EXOC4: variants seen among roughly 807,000 people sequenced by gnomAD.
The protein encoded by EXOC4 is exocyst complex component 4.
Under a neutral mutation model 107.2 loss-of-function variants are expected in EXOC4, and 71 were observed. That is an observed-to-expected ratio of 0.66 (90% CI 0.55 to 0.81). EXOC4 has a LOEUF of 0.81. Ranked by LOEUF, EXOC4 falls within the 30% of genes least tolerant of loss-of-function variation. The probability of loss-of-function intolerance (pLI) is 0.00; values close to 1 mark genes in which losing one functional copy is unlikely to be tolerated. For missense variants in EXOC4, 1,108 were observed against 1,189.6 expected, an observed-to-expected ratio of 0.93 and a Z score of 1.01; for synonymous variants, 456 against 441.2, an observed-to-expected ratio of 1.03 and a Z score of -0.42.
At chr7:133,320,384 A>G (rs1795084994) in intron 5 of EXOC4, among the ~76,000 whole-genome samples, 1 of 152,142 alleles carries the variant, frequency 6.6e-6, no homozygotes, top group Non-Finnish European at 1.5e-5. Context: ...TCCTTGGTTC[A>G]TTCATGGTTT....
chr7:134,029,154 T>G (rs1243122757), intron 17 of EXOC4, among the ~76,000 whole-genome samples: 1 of 152,202 alleles, frequency 6.6e-6, no homozygotes, highest in Non-Finnish European at 1.5e-5. Flanking sequence ...ATCCAAAACA[T>G]TCTAATGTCT....
chr7:133,725,036 G>A (rs574770690), intron 10 of EXOC4, among the ~76,000 whole-genome samples: 35 of 152,296 alleles, frequency 2.3e-4, no homozygotes, highest in African/African-American at 8.2e-4. Context: ...GTTTTAAAGC[G>A]GTCCTGAACA....
Position 133,615,735 on chromosome 7 carries a change from A to T in EXOC4, c.1418-14310A>T, listed in dbSNP as rs570976248. ...AAGTTGCTTTGTCTAGTATTATCAG[A>T]GCCTTTTCGTTGGTAACCTCTACCT... On this transcript the variant is annotated intron_variant, in intron 9 of 17. Transcript: ENST00000253861. Among the ~76,000 whole-genome samples, 12 of 152,288 alleles carry T rather than the reference A, an allele frequency of 7.9e-5. No individual in the cohort carries two copies. The East Asian group carries it at 2.3e-3, about 29-fold the overall frequency.
chr7:133,558,730 C>T (rs1584997649), intron 9 of EXOC4, among the ~76,000 whole-genome samples: 1 of 151,926 alleles, frequency 6.6e-6, no homozygotes, highest in Admixed American at 6.6e-5. Flanking sequence ...AACTGTTTTC[C>T]ATGGAGTCCC....
At chr7:133,771,125 ATATAGACT>A (rs1208644702) in intron 10 of EXOC4, among the ~76,000 whole-genome samples, 1 of 151,948 alleles carries the variant, frequency 6.6e-6, no homozygotes, top group East Asian at 1.9e-4. Context: ...ACAGCCAAAG[ATATAGACT>A]TATAGAGAAT....
intron 9 of EXOC4, among the ~76,000 whole-genome samples, chr7:133,491,309 T>C (rs1799367433): frequency 6.6e-6 from 1 of 152,224 alleles, no homozygotes; most frequent in South Asian, 2.1e-4. Context: ...TCATGCCCAC[T>C]TAGCTCAAAT....
At chr7:133,642,207 A>C (rs1433438559) in intron 10 of EXOC4, among the ~76,000 whole-genome samples, 1 of 152,080 alleles carries the variant, frequency 6.6e-6, no homozygotes, top group Non-Finnish European at 1.5e-5. Flanking sequence ...ACTATATACC[A>C]GACACTGTCC....
At chr7:134,058,991 C>G (rs1462816521) in intron 17 of EXOC4, among the ~76,000 whole-genome samples, 2 of 152,106 alleles carry the variant, frequency 1.3e-5, no homozygotes, top group Non-Finnish European at 2.9e-5. Context: ...GATTTCAAAA[C>G]CCAGCATGAG....
chr7:133,628,483 A>G (rs1397193176), intron 9 of EXOC4, among the ~76,000 whole-genome samples: 1 of 152,152 alleles, frequency 6.6e-6, no homozygotes, highest in Non-Finnish European at 1.5e-5. Context: ...TTCAATTTTT[A>G]TCAGTCAGGC....
intron 5 of EXOC4, among the ~76,000 whole-genome samples, chr7:133,346,134 A>T (rs1795779144): frequency 6.6e-6 from 1 of 152,204 alleles, no homozygotes; most frequent in Non-Finnish European, 1.5e-5. Flanking sequence ...CCAGTTTCCT[A>T]CACAGAGATA....
chr7:133,545,337 G>A (rs1312087777), intron 9 of EXOC4, among the ~76,000 whole-genome samples: 2 of 152,028 alleles, frequency 1.3e-5, no homozygotes, highest in Non-Finnish European at 2.9e-5. Flanking sequence ...TTCTAAAGAT[G>A]TGCATGTAAT....
chr7:133,879,329 A>T (rs1585218273), intron 11 of EXOC4, among the ~76,000 whole-genome samples: 1 of 152,046 alleles, frequency 6.6e-6, no homozygotes, highest in African/African-American at 2.4e-5. Context: ...TCCTGGGCTC[A>T]AGCAACTCTC....
intron 3 of EXOC4, 39 bp downstream of exon 3, chr7:133,289,155 G>A: frequency 6.4e-7 from 1 of 1,567,834 alleles, no homozygotes; most frequent in Non-Finnish European, 8.7e-7. Context: ...TTTTTGTTAA[G>A]ATGTAAAAGC....
intron 10 of EXOC4, among the ~76,000 whole-genome samples, chr7:133,651,777 C>T (rs768773821): frequency 3.3e-5 from 5 of 152,162 alleles, no homozygotes; most frequent in Non-Finnish European, 7.4e-5. Flanking sequence ...CTCTGCCTCC[C>T]AGGTTCAAGG....
chr7:133,784,132 CATTTG>C (rs985921737), intron 10 of EXOC4, among the ~76,000 whole-genome samples: 5 of 152,020 alleles, frequency 3.3e-5, no homozygotes, highest in Non-Finnish European at 7.4e-5. Flanking sequence ...AGAGCTTTAT[CATTTG>C]ATTAACATAT....
chr7:133,648,195 G>A (rs942429607), intron 10 of EXOC4, among the ~76,000 whole-genome samples: 1 of 152,120 alleles, frequency 6.6e-6, no homozygotes, highest in Non-Finnish European at 1.5e-5. Context: ...GATTAGGGTT[G>A]CCTCTATTGC....
chr7:133,580,733 T>C (rs929900018), intron 9 of EXOC4, among the ~76,000 whole-genome samples: 4 of 152,222 alleles, frequency 2.6e-5, no homozygotes, highest in African/African-American at 9.6e-5. Context: ...TATGTGTAGA[T>C]AACTGTCCTT....
At chr7:133,598,235 A>G (rs1265711422) in intron 9 of EXOC4, among the ~76,000 whole-genome samples, 3 of 152,310 alleles carry the variant, frequency 2.0e-5, no homozygotes, top group Non-Finnish European at 4.4e-5. Flanking sequence ...GGGGAGAATA[A>G]TTATTGGCCA....
chr7:133,661,696 A>AAAAAC (rs1793687466), intron 10 of EXOC4, among the ~76,000 whole-genome samples: 3 of 149,464 alleles, frequency 2.0e-5, no homozygotes, highest in Admixed American at 6.7e-5. Flanking sequence ...AAACAAAAAA[A>AAAAAC]AAAAAAACAA....
Sources: gnomAD v4.1 joint callset for allele counts (sites outside exome capture counted in the v4.1 genomes callset) on GRCh38, gnomAD v4.1.1 for gene constraint, MANE v1.5 for transcripts, NCBI Gene and HGNC (gene_info 2026-07-23, HGNC 2026-07-21) for gene names.